The following PBRM1 variants were observed in gnomAD, a reference collection of about 807,000 sequenced individuals.
PBRM1 encodes protein polybromo-1.
Under a neutral mutation model 194.5 loss-of-function variants are expected in PBRM1, and 27 were observed. The observed-to-expected ratio is 0.14, with a 90% CI of 0.10 to 0.19. The LOEUF is 0.19. Ranked by LOEUF, PBRM1 falls within the 10% of genes least tolerant of loss-of-function variation. The probability of loss-of-function intolerance (pLI) is 1.00; values close to 1 mark genes in which losing one functional copy is unlikely to be tolerated. For missense variants in PBRM1, 1,466 were observed against 2,077.2 expected (o/e 0.71, Z 5.72); for synonymous variants, 655 against 693.2 (o/e 0.94, Z 0.87).
intron 2 of PBRM1, among the ~76,000 whole-genome samples, chr3:52,669,549 CAG>C (rs1194821844): frequency 2.0e-5 from 3 of 152,044 alleles, no homozygotes; most frequent in Non-Finnish European, 2.9e-5. Context: ...AATTCTCCCA[CAG>C]GGGTAGGTAT....
intron 20 of PBRM1, among the ~76,000 whole-genome samples, chr3:52,582,303 A>G (rs2091438690): frequency 6.6e-6 from 1 of 151,820 alleles, no homozygotes; most frequent in Non-Finnish European, 1.5e-5. Flanking sequence ...AAATAAAGAT[A>G]TGAGACCAAA....
At chr3:52,545,529 T>C (rs1028340678), downstream of PBRM1, 1 of 232,994 alleles carries the variant, frequency 4.3e-6, no homozygotes, top group Non-Finnish European at 8.5e-6. Flanking sequence ...ACATTCAAGC[T>C]CAAAATCATC....
intron 2 of PBRM1, 49 bp downstream of exon 3, chr3:52,678,451 G>A (rs772524065): frequency 6.1e-5 from 73 of 1,202,488 alleles, no homozygotes; most frequent in Non-Finnish European, 8.8e-5. Flanking sequence ...AATACACATG[G>A]ACTCTGGACC....
At chr3:52,578,564 T>C (rs1349457583) in intron 21 of PBRM1, among the ~76,000 whole-genome samples, 1 of 152,326 alleles carries the variant, frequency 6.6e-6, no homozygotes, top group East Asian at 1.9e-4. Context: ...CTGTCATCCT[T>C]TTGTCATTTA....
rs552221387 is a variant in PBRM1, at chr3:52,561,655, A to C, written c.4288+112T>G. ...TGGGTGCCATTTGGAACAGTCCCCA[A>C]AATAAAAGTTCATGTGCAAGTGGTA... On this transcript the variant is annotated intron_variant, in intron 25 of 29. Coordinates refer to ENST00000296302, the Ensembl canonical transcript of PBRM1. 26 of 942,828 alleles carry C rather than the reference A, an allele frequency of 2.8e-5. 1 individual carries two copies. In the South Asian group the frequency reaches 3.6e-4, roughly 13 times the overall value. 58.4% of individuals were successfully genotyped at this position (942,828 alleles called of 1,614,324 possible).
At chr3:52,658,080 A>C in intron 5 of PBRM1, 119 bp downstream of exon 6, 1 of 631,656 alleles carries the variant, frequency 1.6e-6, no homozygotes, top group Non-Finnish European at 2.9e-6. Context: ...GGCATGAGCC[A>C]CCACACCCGG....
intron 10 of PBRM1, among the ~76,000 whole-genome samples, chr3:52,639,341 C>A (rs997203571): frequency 6.6e-6 from 1 of 152,060 alleles, no homozygotes; most frequent in Non-Finnish European, 1.5e-5. Context: ...TTATTTATGC[C>A]TTTTTGACAA....
At chr3:52,641,651 G>A (rs2096091512) in intron 10 of PBRM1, among the ~76,000 whole-genome samples, 1 of 151,854 alleles carries the variant, frequency 6.6e-6, no homozygotes, top group Non-Finnish European at 1.5e-5. Flanking sequence ...AGATGAATGT[G>A]GATTTCTGAG....
At chr3:52,650,214 T>C (rs1040417989) in intron 6 of PBRM1, among the ~76,000 whole-genome samples, 4 of 151,624 alleles carry the variant, frequency 2.6e-5, no homozygotes, top group Non-Finnish European at 5.9e-5. Context: ...AATACAAAAA[T>C]CAGCCAGGTT....
intron 22 of PBRM1, among the ~76,000 whole-genome samples, chr3:52,575,590 T>C (rs1454539664): frequency 1.8e-5 from 2 of 108,862 alleles, no homozygotes; most frequent in African/African-American, 7.5e-5. Context: ...CTTGGCTCAC[T>C]GCAGCCTCTG....
chr3:52,682,125 A>G (rs1393101161), upstream of PBRM1: 1 of 152,222 alleles, frequency 6.6e-6, no homozygotes, highest in Non-Finnish European at 1.5e-5. Context: ...GGAATGAGGC[A>G]TGCCTGCCCA....
intron 9 of PBRM1, 39 bp downstream of exon 10, chr3:52,643,209 G>T (rs1026294927): frequency 2.9e-6 from 4 of 1,389,348 alleles, no homozygotes; most frequent in East Asian, 2.3e-5. Context: ...ATCTTTATAA[G>T]CACAGGTCAA....
In PBRM1 at chr3:52,676,135, AAAAAAAAAAAAAAAAAAT is replaced by A. The variant is rs1176893752; in HGVS notation, c.236+2347_236+2364del. Among the ~76,000 whole-genome samples the A allele has an allele frequency of 1.2e-3, 150 of 124,634 alleles. 22 individuals are homozygous for A. Among genetic ancestry groups the A allele is most frequent in the Non-Finnish European group, 2.3e-3 (126 of 54,014 alleles). 81.8% of individuals were successfully genotyped at this position (124,634 alleles called of 152,430 possible). A position where few individuals can be genotyped will look rare whatever the true frequency, so the allele number is the denominator to read the frequency against. On this transcript the variant is annotated intron_variant, in intron 2 of 29. Transcript: ENST00000296302. ...GTCTCAAAAAAAAAAAAAAAAAAAAAAAAAAAAAAAAAAAAAATAATGAATGAAGCGGGATCCTTACCT... is the reference window on the plus strand; with the variant it reads ...GTCTCAAAAAAAAAAAAAAAAAAAAAAATGAATGAAGCGGGATCCTTACCT...
At chr3:52,569,847 G>T (rs1162890158) in intron 22 of PBRM1, among the ~76,000 whole-genome samples, 2 of 152,096 alleles carry the variant, frequency 1.3e-5, no homozygotes, top group African/African-American at 2.4e-5. Context: ...CTTAGTTGAT[G>T]CTCTTGAATT....
intron 10 of PBRM1, among the ~76,000 whole-genome samples, chr3:52,639,538 C>G (rs2095986264): frequency 6.6e-6 from 1 of 151,692 alleles, no homozygotes; most frequent in Admixed American, 6.6e-5. Context: ...AACTCCGCCT[C>G]TGGAGTAGCT....
At chr3:52,673,671 CAAAAAAAA>C (rs1324914906) in intron 2 of PBRM1, among the ~76,000 whole-genome samples, 1 of 39,256 alleles carries the variant, frequency 2.5e-5, no homozygotes, top group South Asian at 9.8e-4. Flanking sequence ...GACTCCATCT[CAAAAAAAA>C]AAAAAAAAAA....
chr3:52,598,235 T>C (rs2093717579), intron 17 of PBRM1, among the ~76,000 whole-genome samples: 1 of 152,222 alleles, frequency 6.6e-6, no homozygotes, highest in South Asian at 2.1e-4. Flanking sequence ...CTTTTAAGTG[T>C]ACCATTCAGT....
At chr3:52,617,583 A>G (rs902471967) in intron 13 of PBRM1, 45 bp from the exon 16 acceptor site, 2 of 1,432,242 alleles carry the variant, frequency 1.4e-6, no homozygotes, top group Non-Finnish European at 1.9e-6. Context: ...GAATAGGTTC[A>G]GTTTTCTTAA....
intron 5 of PBRM1, among the ~76,000 whole-genome samples, 186 bp downstream of exon 6, chr3:52,658,013 G>GAACTCCCA (rs2096641644): frequency 1.4e-5 from 2 of 143,672 alleles, no homozygotes; most frequent in Admixed American, 1.4e-4. Flanking sequence ...GGATGGTCTC[G>GAACTCCCA]AACTCCCAAC....
Sources: gnomAD v4.1 joint callset for allele counts (sites outside exome capture counted in the v4.1 genomes callset) on GRCh38, gnomAD v4.1.1 for gene constraint, MANE v1.5 for transcripts, NCBI Gene and HGNC (gene_info 2026-07-23, HGNC 2026-07-21) for gene names.